PCDHGB4: variants seen among roughly 807,000 people sequenced by gnomAD.
PCDHGB4 encodes the protein protocadherin gamma-B4.
In PCDHGB4, 38 loss-of-function variants were observed where a neutral mutation model predicts 60.5. The observed-to-expected ratio is 0.63, with a 90% CI of 0.48 to 0.82. The LOEUF (loss-of-function observed/expected upper bound fraction) is 0.82. Ranked by LOEUF, PCDHGB4 falls within the 40% of genes least tolerant of loss-of-function variation. PCDHGB4 has a pLI of 0.00. For missense variants in PCDHGB4, 1,109 were observed against 1,209.6 expected, an observed-to-expected ratio of 0.92 and a Z score of 1.23; for synonymous variants, 456 against 509.7, an observed-to-expected ratio of 0.89 and a Z score of 1.42.
intron 1 of PCDHGB4, chr5:141,412,235 A>T (rs2095544372): frequency 6.6e-6 from 1 of 152,260 alleles, no homozygotes. Flanking sequence ...AAAAACCTAT[A>T]TCACTACATC....
intron 1 of PCDHGB4, chr5:141,427,746 T>A: frequency 7.9e-7 from 1 of 1,272,038 alleles, no homozygotes; most frequent in African/African-American, 1.5e-5. Flanking sequence ...AGTCTCCTAC[T>A]CCATCGTTAC....
In PCDHGB4 at chr5:141,490,084, G is replaced by A. The variant is rs772917260; in HGVS notation, c.2398-4723G>A. The A allele has an allele frequency of 4.3e-6, 7 of 1,614,104 alleles. No individual in the cohort carries two copies. ...CAACGGCCAACTAGACTATTCTTTT[G>A]GAGACCACACATCTGAGGCAGTGCG... On this transcript the variant is annotated intron_variant, in intron 1 of 3. Transcript: ENST00000519479. The surrounding 1 kb of genome is among the most constrained non-coding windows in gnomAD (Gnocchi z 5.4).
intron 1 of PCDHGB4, among the ~76,000 whole-genome samples, chr5:141,455,290 T>C (rs551962783): frequency 5.3e-5 from 8 of 152,206 alleles, no homozygotes; most frequent in East Asian, 1.9e-4. Flanking sequence ...TCACTTTACA[T>C]AGTTTCATCT....
rs759226115 is a variant in PCDHGB4 at position 141,405,385 on chromosome 5, AT to A, written c.2397+15112del. On this transcript the variant is annotated intron_variant, in intron 1 of 3. Transcript: ENST00000519479. ...ACACCCCTTTGGTTCCGGTGAGTTC[AT>A]TTTTTTTCTTTCTTTCTTTTCTTTT... 1.8e-5 allele frequency: 29 copies of A among 1,599,886 alleles called. No homozygotes were observed. In the East Asian group the frequency reaches 2.2e-4, roughly 12 times the overall value.
At position 141,421,975 on chromosome 5, in the gene PCDHGB4, G is replaced by A. The variant is rs1287891140; in HGVS notation, c.2397+31694G>A. 3.1e-6 allele frequency: 5 copies of A among 1,610,050 alleles called. No individual in the cohort carries two copies. The South Asian group carries it at 3.3e-5, about 11-fold the overall frequency. On this transcript the variant is annotated intron_variant, in intron 1 of 3. Coordinates refer to ENST00000519479, the MANE Select transcript of PCDHGB4 (RefSeq NM_003736.4). ...AATGTTTACACAGTCCGTATATCGC[G>A]TGAGTGTTCCAGAAAACATCAGCTC...
At chr5:141,435,391 A>C (rs1328617100) in intron 1 of PCDHGB4, among the ~76,000 whole-genome samples, 5 of 152,202 alleles carry the variant, frequency 3.3e-5, no homozygotes, top group African/African-American at 1.2e-4. Flanking sequence ...CCGTATTGCC[A>C]TGACGAAAAA....
intron 1 of PCDHGB4, chr5:141,408,720 A>G (rs1325828281): frequency 6.2e-7 from 1 of 1,611,214 alleles, no homozygotes; most frequent in African/African-American, 1.3e-5. Context: ...TATAAGATAA[A>G]CTCTAATCCT....
At position 141,490,649 on chromosome 5, in the gene PCDHGB4, G is replaced by C. The variant is rs1428223995; in HGVS notation, c.2398-4158G>C. 1 of 1,614,148 alleles carries C rather than the reference G, an allele frequency of 6.2e-7. No homozygotes were observed. Among genetic ancestry groups the C allele is most frequent in the Admixed American group, 1.7e-5 (1 of 60,018 alleles). On this transcript the variant is annotated intron_variant, in intron 1 of 3. Coordinates refer to ENST00000519479, the MANE Select transcript of PCDHGB4 (RefSeq NM_003736.4). The surrounding 1 kb of genome is among the most constrained non-coding windows in gnomAD (Gnocchi z 5.4). ...TACATCCTAGAAAACCGGCCTCCGG[G>C]CTCCCTTCTTTGCACTGTGGCTGCC...
intron 1 of PCDHGB4, among the ~76,000 whole-genome samples, chr5:141,461,886 C>T (rs944110458): frequency 3.3e-5 from 5 of 151,972 alleles, no homozygotes; most frequent in South Asian, 2.1e-4. Context: ...TGCAATGGCA[C>T]GATCTCGGCT....
At chr5:141,495,277 G>A (rs2099760037) in intron 2 of PCDHGB4, among the ~76,000 whole-genome samples, 1 of 152,168 alleles carries the variant, frequency 6.6e-6, no homozygotes, top group African/African-American at 2.4e-5. Context: ...ACCGGAGGAG[G>A]CGGTCCGCAC....
chr5:141,430,471 T>TA (rs759564776), intron 1 of PCDHGB4: 176 of 234,152 alleles, frequency 7.5e-4, no homozygotes, highest in Non-Finnish European at 1.1e-3. Context: ...TGGAGCTATT[T>TA]AAGATATAAA....
chr5:141,511,381 G>A lies in PCDHGB4; in HGVS notation c.*208G>A, dbSNP rs545793377. 97 of 1,170,372 alleles carry A rather than the reference G, an allele frequency of 8.3e-5. No homozygotes were observed. In the East Asian group the frequency reaches 9.2e-4, roughly 11 times the overall value. 72.5% of individuals were successfully genotyped at this position (1,170,372 alleles called of 1,614,324 possible). On this transcript the variant is annotated 3_prime_UTR_variant, in exon 4 of 4. Transcript: ENST00000519479. ...GGGTTGAATATGCAAAAGCAGTTCC[G>A]CTGGGAACCCCCATCCAATCAACTG...
intron 1 of PCDHGB4, chr5:141,415,543 G>A (rs1561758242): frequency 6.2e-7 from 1 of 1,614,130 alleles, no homozygotes; most frequent in East Asian, 2.2e-5. Context: ...GGAGAGCTGT[G>A]AGAAAAACGA....
chr5:141,487,684 C>G lies in PCDHGB4; in HGVS notation c.2398-7123C>G. On this transcript the variant is annotated intron_variant, in intron 1 of 3. Coordinates refer to ENST00000519479, the MANE Select transcript of PCDHGB4 (RefSeq NM_003736.4). The surrounding 1 kb of genome is among the most constrained non-coding windows in gnomAD (Gnocchi z 5.0). ...ATCCAGGCATATGGCTAGGCCATGT[C>G]CTAGAGAGTACTGGCCTCTCAGTAA... is the stretch of plus-strand genomic sequence containing the variant. The G allele has an allele frequency of 6.2e-7, 1 of 1,607,562 alleles. No individual in the cohort carries two copies. Among genetic ancestry groups the G allele is most frequent in the East Asian group, 2.2e-5 (1 of 44,768 alleles).
chr5:141,421,697 A>T (rs750973568), intron 1 of PCDHGB4: 8 of 1,613,924 alleles, frequency 5.0e-6, no homozygotes, highest in Non-Finnish European at 6.8e-6. Context: ...GCTCTTCCTA[A>T]TGCTAGGGAT....
chr5:141,439,904 C>T (rs1175032042), intron 1 of PCDHGB4: 2 of 152,364 alleles, frequency 1.3e-5, no homozygotes, highest in East Asian at 1.9e-4. Context: ...GCGACTACTG[C>T]CTCCTTTCCT....
At chr5:141,472,058 C>T (rs149583469) in intron 1 of PCDHGB4, among the ~76,000 whole-genome samples, 114 of 152,176 alleles carry the variant, frequency 7.5e-4, no homozygotes, top group African/African-American at 2.6e-3. Context: ...AAATGATTGA[C>T]ATGTCTGTGG....
chr5:141,412,664 A>G (rs959517920), intron 1 of PCDHGB4: 10 of 152,288 alleles, frequency 6.6e-5, no homozygotes, highest in African/African-American at 2.4e-4. Flanking sequence ...AGACACTAAT[A>G]TGACCTAAAA....
At chr5:141,466,457 A>G (rs969935541) in intron 1 of PCDHGB4, among the ~76,000 whole-genome samples, 12 of 152,146 alleles carry the variant, frequency 7.9e-5, no homozygotes, top group Admixed American at 6.6e-4. Context: ...GGTGTTGGCT[A>G]TTGTTTCTGC....
Sources: gnomAD v4.1 joint callset for allele counts (sites outside exome capture counted in the v4.1 genomes callset) on GRCh38, gnomAD v4.1.1 for gene constraint, Gnocchi (gnomAD v3.1) non-coding constraint, MANE v1.5 for transcripts, NCBI Gene and HGNC (gene_info 2026-07-23, HGNC 2026-07-21) for gene names.